VPS25: variants seen among roughly 807,000 people sequenced by gnomAD.
VPS25 encodes the protein vacuolar protein sorting 25 homolog.
Under a neutral mutation model 30.3 loss-of-function variants are expected in VPS25, and 21 were observed. The observed-to-expected ratio is 0.69, with a 90% CI of 0.49 to 1.00. The LOEUF is 1.00. Among genes scored for constraint, VPS25 ranks in the 50% least tolerant of loss-of-function variants. The pLI is 0.00. For synonymous variants in VPS25, 101 were observed against 88.1 expected (o/e 1.15, Z -0.82); for missense variants, 156 against 217.2 (o/e 0.72, Z 1.77).
At chr17:42,775,543 A>T in intron 4 of VPS25, 74 bp downstream of exon 4, 1 of 1,283,428 alleles carries the variant, frequency 7.8e-7, no homozygotes, top group Non-Finnish European at 1.1e-6. Context: ...CCTAGCAGAT[A>T]GCCGGTGTTC....
intron 5 of VPS25, among the ~76,000 whole-genome samples, chr17:42,778,001 G>A (rs2054445571): frequency 6.6e-6 from 1 of 151,986 alleles, no homozygotes; most frequent in African/African-American, 2.4e-5. Flanking sequence ...CTGTAGCCTT[G>A]CCTAGCCCAC....
chr17:42,773,450 G>A lies in VPS25; in HGVS notation c.-26G>A. On this transcript the variant is annotated 5_prime_UTR_variant, in exon 1 of 6. Transcript: ENST00000253794. ...GAAGGCCGGAAGTCCTTAGCCGGTAGCTTCCGGGTTTCCTGGGCTACTACG... is the reference window on the plus strand; with the variant it reads ...GAAGGCCGGAAGTCCTTAGCCGGTAACTTCCGGGTTTCCTGGGCTACTACG... 6.2e-7 allele frequency: 1 copy of A among 1,614,170 alleles called. No homozygotes were observed. The highest frequency in any genetic ancestry group is 2.2e-5 in the East Asian group (1 of 44,876).
intron 5 of VPS25, among the ~76,000 whole-genome samples, chr17:42,778,184 A>G (rs775986530): frequency 4.6e-5 from 7 of 150,958 alleles, no homozygotes; most frequent in East Asian, 1.9e-4. Flanking sequence ...AGGCTCCCCA[A>G]TTTTTTTGGT....
In VPS25 at chr17:42,773,785, C is replaced by T. The variant is rs1224393249; in HGVS notation, c.106C>T (p.Leu36=). 2 of 1,614,062 alleles carry T rather than the reference C, an allele frequency of 1.2e-6. No individual in the cohort carries two copies. The highest frequency in any genetic ancestry group is 1.3e-5 in the African/African-American group (1 of 74,938). ...RQKQLAAWCS[L]VLSFCRLHKQ... ...GAAGCAGCTGGCCGCCTGGTGCTCG[C>T]TGGTCCTGTCCTTCTGCCGCCTGCA... is the stretch of plus-strand genomic sequence containing the variant. The change falls in exon 2 of 6, where the codon CTG becomes TTG. Residue 36 remains leucine, a synonymous_variant. Transcript: ENST00000253794.
chr17:42,777,013 G>GT (rs905112771), intron 5 of VPS25, among the ~76,000 whole-genome samples: 1 of 152,162 alleles, frequency 6.6e-6, no homozygotes, highest in African/African-American at 2.4e-5. Context: ...GAGGTCAGGA[G>GT]TTTGAGACCA....
intron 2 of VPS25, 74 bp downstream of exon 2, chr17:42,773,952 C>G (rs1478722960): frequency 2.0e-6 from 3 of 1,517,336 alleles, no homozygotes; most frequent in South Asian, 2.5e-5. Context: ...AGACGCCCCC[C>G]CGCGCCAGCC....
chr17:42,774,164 T>C, intron 2 of VPS25: 1 of 334,676 alleles, frequency 3.0e-6, no homozygotes, highest in Admixed American at 4.5e-5. Context: ...TTTGACTATT[T>C]GTATCTTCCA....
chr17:42,774,393 A>C, intron 2 of VPS25: 1 of 265,570 alleles, frequency 3.8e-6, no homozygotes, highest in Non-Finnish European at 6.6e-6. Flanking sequence ...TTTTTTTTGG[A>C]GACAGGGTCT....
intron 3 of VPS25, chr17:42,774,928 C>G: frequency 2.2e-6 from 1 of 455,618 alleles, no homozygotes; most frequent in Non-Finnish European, 3.9e-6. Flanking sequence ...AGGATGAGTG[C>G]CTTGTAGATA....
intron 3 of VPS25, 33 bp downstream of exon 3, chr17:42,774,732 T>C: frequency 6.2e-7 from 1 of 1,602,126 alleles, no homozygotes; most frequent in Non-Finnish European, 8.5e-7. Context: ...CTTATTTTTC[T>C]TCCTAGTTGG....
intron 2 of VPS25, chr17:42,774,112 T>C (rs1376764548): frequency 2.2e-6 from 1 of 453,092 alleles, no homozygotes; most frequent in African/African-American, 2.0e-5. Flanking sequence ...TCTTAGAATT[T>C]CTGCCCTGAA....
chr17:42,776,317 G>A lies in VPS25; in HGVS notation c.415G>A (p.Glu139Lys), dbSNP rs775947105. Reference protein sequence around the residue: ...ELTNGEDTEDEEFHGLDEATL... With the variant: ...ELTNGEDTEDKEFHGLDEATL... The stretch of plus-strand genomic sequence containing the variant: ...GACTAATGGGGAAGACACAGAGGAT[G>A]AGGGTAATGCCTTTCCCTTCCCACT... The change falls in exon 5 of 6, where the codon GAG (glutamate) becomes AAG (lysine). Residue 139 changes from glutamate to lysine, a missense_variant. Transcript: ENST00000253794. 1 of 1,613,194 alleles carries A rather than the reference G, an allele frequency of 6.2e-7. No homozygotes were observed. The highest frequency in any genetic ancestry group is 8.5e-7 in the Non-Finnish European group (1 of 1,179,868).
intron 4 of VPS25, 95 bp from the exon 5 acceptor site, chr17:42,776,150 G>T (rs868066034): frequency 2.8e-6 from 3 of 1,087,398 alleles, no homozygotes; most frequent in East Asian, 2.4e-5. Context: ...TTGGGAATAG[G>T]TATCATTCCT....
chr17:42,773,449 A>G lies in VPS25; in HGVS notation c.-27A>G. The G allele has an allele frequency of 6.2e-7, 1 of 1,614,100 alleles. No homozygotes were observed. Among genetic ancestry groups the G allele is most frequent in the Non-Finnish European group, 8.5e-7 (1 of 1,179,974 alleles). ...CGAAGGCCGGAAGTCCTTAGCCGGT[A>G]GCTTCCGGGTTTCCTGGGCTACTAC... On this transcript the variant is annotated 5_prime_UTR_variant, in exon 1 of 6. Transcript: ENST00000253794.
chr17:42,773,998 C>A, intron 2 of VPS25, 120 bp downstream of exon 2: 1 of 1,239,840 alleles, frequency 8.1e-7, no homozygotes, highest in Non-Finnish European at 1.1e-6. Flanking sequence ...CCCACCCAAA[C>A]TGGACTTAAA....
chr17:42,779,143 C>T lies in VPS25; in HGVS notation c.*74C>T. 1 of 1,367,810 alleles carries T rather than the reference C, an allele frequency of 7.3e-7. No individual in the cohort carries two copies. 84.7% of individuals were successfully genotyped at this position (1,367,810 alleles called of 1,614,324 possible). Reference sequence around the variant, plus strand: ...TCAAAAGGAGACAGACCCAGTGTCCCCCAAAGACTGGATCTGTGACTCCAC... The same window carrying T: ...TCAAAAGGAGACAGACCCAGTGTCCTCCAAAGACTGGATCTGTGACTCCAC... On this transcript the variant is annotated 3_prime_UTR_variant, in exon 6 of 6. Transcript: ENST00000253794.
chr17:42,776,358 G>A lies in VPS25; in HGVS notation c.418+38G>A, dbSNP rs145773720. ...CCTTCCCACTCATAGTTAATTTTTT[G>A]TTTTGTTTTGTTTTGTTTTTCCGAT... On this transcript the variant is annotated intron_variant, in intron 5 of 5. Coordinates refer to ENST00000253794, the MANE Select transcript of VPS25 (RefSeq NM_032353.4). The A allele has an allele frequency of 5.2e-4, 808 of 1,564,650 alleles. 2 individuals are homozygous for A. The African/African-American group carries it at 9.4e-3, about 18-fold the overall frequency.
In VPS25 at chr17:42,773,885, T is replaced by A. The variant is rs973025770; in HGVS notation, c.199+7T>A. The A allele has an allele frequency of 1.9e-6, 3 of 1,611,118 alleles. No homozygotes were observed. Among genetic ancestry groups the A allele is most frequent in the Non-Finnish European group, 2.5e-6 (3 of 1,179,562 alleles). On this transcript the variant is annotated splice_region_variant and intron_variant, in intron 2 of 5. Transcript: ENST00000253794. Reference sequence around the variant, plus strand: ...AACAACGTCAAGCTACAGCGTATCCTCCCTCAGGCTCTTCCACAGCCCATA... The same window carrying A: ...AACAACGTCAAGCTACAGCGTATCCACCCTCAGGCTCTTCCACAGCCCATA...
rs2305217 is a variant in VPS25, at chr17:42,774,617, T to C, written c.200-29T>C. ...AAATTTTTATCCTACCCAACTCATG[T>C]GTATGCCGTTCCCTTAACCTTAAAC... On this transcript the variant is annotated intron_variant, in intron 2 of 5. Coordinates refer to ENST00000253794, the MANE Select transcript of VPS25 (RefSeq NM_032353.4). 7.6e-3 allele frequency: 12,305 copies of C among 1,608,500 alleles called. 600 individuals carry two copies. The South Asian group carries it at 0.099, about 13-fold the overall frequency.
Sources: allele counts gnomAD v4.1 joint callset (sites outside exome capture counted in the v4.1 genomes callset), GRCh38; gene constraint gnomAD v4.1.1; transcripts MANE v1.5; gene names NCBI Gene and HGNC (gene_info 2026-07-23, HGNC 2026-07-21).